The following CTNND2 variants were observed in gnomAD, a reference collection of about 807,000 sequenced individuals.
CTNND2 encodes catenin delta 2.
Under a neutral mutation model 144.4 loss-of-function variants are expected in CTNND2, and 22 were observed. The ratio of observed to expected loss-of-function variants is 0.15; its 90% CI spans 0.11 to 0.22. CTNND2 has a LOEUF of 0.22. Among genes scored for constraint, CTNND2 ranks in the 10% least tolerant of loss-of-function variants. The pLI, the probability that CTNND2 is intolerant of heterozygous loss-of-function variation, is 1.00. For synonymous variants in CTNND2, 751 were observed against 695.6 expected (o/e 1.08, Z -1.25); for missense variants, 1,353 against 1,618.8 (o/e 0.84, Z 2.82).
At chr5:11,860,972 A>G (rs1795477750) in intron 1 of CTNND2, among the ~76,000 whole-genome samples, 1 of 152,234 alleles carries the variant, frequency 6.6e-6, no homozygotes, top group African/African-American at 2.4e-5. Context: ...AAATCTTTCT[A>G]TGGTAAGTAT....
chr5:11,852,488 T>C (rs1397755064), intron 1 of CTNND2, among the ~76,000 whole-genome samples: 1 of 151,930 alleles, frequency 6.6e-6, no homozygotes, highest in Non-Finnish European at 1.5e-5. Flanking sequence ...AACATAACAT[T>C]TGGGGGCACT....
chr5:11,136,484 T>C (rs975501903), intron 12 of CTNND2, among the ~76,000 whole-genome samples: 1 of 151,566 alleles, frequency 6.6e-6, no homozygotes, highest in Non-Finnish European at 1.5e-5. Context: ...AAAAGAACAA[T>C]GGTGCTAACT....
chr5:11,851,740 T>C (rs1004793628), intron 1 of CTNND2, among the ~76,000 whole-genome samples: 7 of 152,256 alleles, frequency 4.6e-5, no homozygotes, highest in Non-Finnish European at 8.8e-5. Flanking sequence ...GCCAATTCCA[T>C]TTGTGATTTT....
chr5:11,051,284 A>G (rs1211318969), intron 16 of CTNND2, among the ~76,000 whole-genome samples: 1 of 152,244 alleles, frequency 6.6e-6, no homozygotes, highest in Non-Finnish European at 1.5e-5. Context: ...TAACCAAAAT[A>G]GAAGAGAATT....
intron 2 of CTNND2, among the ~76,000 whole-genome samples, chr5:11,688,519 G>A (rs1184179866): frequency 6.6e-6 from 1 of 152,218 alleles, no homozygotes; most frequent in East Asian, 1.9e-4. Flanking sequence ...ATACAGTGAT[G>A]CTGGACTATT....
intron 15 of CTNND2, among the ~76,000 whole-genome samples, chr5:11,096,114 T>C (rs963978597): frequency 3.3e-5 from 5 of 152,132 alleles, no homozygotes; most frequent in Non-Finnish European, 4.4e-5. Flanking sequence ...TATTCTGTAA[T>C]CTTATAATCT....
At chr5:11,225,388 A>G (rs569697294) in intron 10 of CTNND2, among the ~76,000 whole-genome samples, 10 of 152,306 alleles carry the variant, frequency 6.6e-5, no homozygotes, top group African/African-American at 2.4e-4. Context: ...TAAGACCCCT[A>G]TAAACACCAC....
intron 2 of CTNND2, among the ~76,000 whole-genome samples, chr5:11,654,975 A>T (rs532021856): frequency 6.6e-6 from 1 of 152,200 alleles, no homozygotes; most frequent in Non-Finnish European, 1.5e-5. Flanking sequence ...TTTCATGGTG[A>T]GACAGATAAA....
intron 1 of CTNND2, among the ~76,000 whole-genome samples, chr5:11,859,183 G>T (rs1335945963): frequency 6.6e-6 from 1 of 152,134 alleles, no homozygotes; most frequent in African/African-American, 2.4e-5. Context: ...CTCCTTTCCT[G>T]TATGGAGTCT....
intron 2 of CTNND2, among the ~76,000 whole-genome samples, chr5:11,593,117 T>C (rs7729282): frequency 0.26 from 39,569 of 151,980 alleles, 5,299 homozygotes; most frequent in African/African-American, 0.3. Flanking sequence ...TAAATGAAAA[T>C]GCTTATATGC....
chr5:11,465,881 A>T (rs761874312), intron 3 of CTNND2, among the ~76,000 whole-genome samples: 7 of 152,176 alleles, frequency 4.6e-5, no homozygotes, highest in Non-Finnish European at 7.3e-5. Flanking sequence ...GACAACAGTC[A>T]ACTTCCATCT....
At chr5:11,419,891 T>C (rs1374852372) in intron 3 of CTNND2, among the ~76,000 whole-genome samples, 1 of 152,208 alleles carries the variant, frequency 6.6e-6, no homozygotes, top group Non-Finnish European at 1.5e-5. Flanking sequence ...CATTGTATCA[T>C]GTGGTGTATT....
intron 1 of CTNND2, among the ~76,000 whole-genome samples, chr5:11,738,286 A>T (rs1358690506): frequency 6.6e-6 from 1 of 152,230 alleles, no homozygotes; most frequent in Non-Finnish European, 1.5e-5. Flanking sequence ...CCACTTTCAT[A>T]AATGATGCAA....
intron 2 of CTNND2, among the ~76,000 whole-genome samples, chr5:11,685,688 A>T (rs1489217600): frequency 6.6e-6 from 1 of 152,234 alleles, no homozygotes; most frequent in Non-Finnish European, 1.5e-5. Context: ...TTCAGATGCT[A>T]ACCCAATCCT....
At chr5:11,038,523 G>A (rs778850915) in intron 16 of CTNND2, among the ~76,000 whole-genome samples, 27 of 152,188 alleles carry the variant, frequency 1.8e-4, no homozygotes, top group Admixed American at 1.8e-3. Context: ...TGCCACAAAG[G>A]TTGGGGAACG....
At chr5:11,735,468 T>C (rs1438553940) in intron 1 of CTNND2, among the ~76,000 whole-genome samples, 1 of 152,174 alleles carries the variant, frequency 6.6e-6, no homozygotes, top group African/African-American at 2.4e-5. Flanking sequence ...AAAGCCGCCG[T>C]GACCTTCTAT....
At chr5:11,899,233 G>A (rs938427199) in intron 1 of CTNND2, among the ~76,000 whole-genome samples, 28 of 152,096 alleles carry the variant, frequency 1.8e-4, no homozygotes, top group African/African-American at 5.6e-4. Context: ...TAAACAGAGC[G>A]GATGTGTAAT....
intron 9 of CTNND2, among the ~76,000 whole-genome samples, chr5:11,294,188 A>C (rs1170738330): frequency 6.6e-6 from 1 of 152,006 alleles, no homozygotes; most frequent in Non-Finnish European, 1.5e-5. Context: ...AAAAAAAAAA[A>C]AAAAACAAAG....
chr5:11,859,090 T>C (rs1479300252), intron 1 of CTNND2, among the ~76,000 whole-genome samples: 1 of 152,218 alleles, frequency 6.6e-6, no homozygotes, highest in Non-Finnish European at 1.5e-5. Flanking sequence ...GGCTAATGGC[T>C]GGAATCAAGC....
Sources: allele counts gnomAD v4.1 joint callset (sites outside exome capture counted in the v4.1 genomes callset), GRCh38; gene constraint gnomAD v4.1.1; transcripts MANE v1.5; gene names NCBI Gene and HGNC (gene_info 2026-07-23, HGNC 2026-07-21).